Variants in GALC observed in about 807,000 individuals in gnomAD.
The protein encoded by GALC is galactosylceramidase, also known as galactocerebrosidase.
Under a neutral mutation model 91.8 loss-of-function variants are expected in GALC, and 77 were observed. That is an observed-to-expected ratio of 0.84 (90% CI 0.70 to 1.01). The LOEUF (loss-of-function observed/expected upper bound fraction) is 1.01. GALC is among the 50% of genes least tolerant of loss of function. The pLI, the probability that GALC is intolerant of heterozygous loss-of-function variation, is 0.00. For missense variants in GALC, 882 were observed against 855.9 expected (o/e 1.03, Z -0.38); for synonymous variants, 357 against 306.7 (o/e 1.16, Z -1.71).
intron 8 of GALC, among the ~76,000 whole-genome samples, chr14:87,967,179 T>A (rs1248321392): frequency 1.3e-5 from 2 of 152,196 alleles, no homozygotes; most frequent in Admixed American, 6.5e-5. Context: ...CCTAATGTCG[T>A]CTCAAGTGAA....
intron 10 of GALC, among the ~76,000 whole-genome samples, chr14:87,956,001 C>T (rs1885524456): frequency 6.6e-6 from 1 of 151,340 alleles, no homozygotes; most frequent in Admixed American, 6.6e-5. Context: ...AAAAAAAAAT[C>T]TCCTGTGGTC....
intron 6 of GALC, 73 bp from the exon 7 acceptor site, chr14:87,976,561 A>AACTTTATCTATCTTG: frequency 8.3e-7 from 1 of 1,197,970 alleles, no homozygotes; most frequent in Non-Finnish European, 1.2e-6. Context: ...TGACCAAGAT[A>AACTTTATCTATCTTG]GATAAAGTTA....
chr14:87,955,215 G>A lies in GALC; in HGVS notation c.1162-4467C>T, dbSNP rs1263012665. ...ATGCCCTTTTCTGAGGCCAGAGGAA[G>A]AAATGGCAGGCATTTCAAGGAAGAA... On this transcript the variant is annotated intron_variant, in intron 10 of 16. Coordinates refer to ENST00000261304, the MANE Select transcript of GALC (RefSeq NM_000153.4). The A allele has an allele frequency of 4.7e-6, 5 of 1,069,236 alleles. No homozygotes were observed. In the South Asian group the frequency reaches 6.2e-5, roughly 13 times the overall value. The allele number at this position is 1,069,236 out of a possible 1,614,324, so 66.2% of individuals were successfully genotyped here. A position where few individuals can be genotyped will look rare whatever the true frequency, so the allele number is the denominator to read the frequency against.
chr14:87,990,751 T>C (rs1252849555), intron 1 of GALC, among the ~76,000 whole-genome samples: 6 of 152,150 alleles, frequency 3.9e-5, no homozygotes, highest in South Asian at 4.1e-4. Context: ...TGCAAACCTA[T>C]AGCCACACCT....
intron 9 of GALC, among the ~76,000 whole-genome samples, chr14:87,965,218 T>C (rs1885984217): frequency 6.6e-6 from 1 of 152,164 alleles, no homozygotes; most frequent in Non-Finnish European, 1.5e-5. Context: ...TTTGTAATTA[T>C]ATCCTTAGAT....
intron 6 of GALC, among the ~76,000 whole-genome samples, chr14:87,977,867 T>A (rs1886568690): frequency 6.6e-6 from 1 of 151,964 alleles, no homozygotes; most frequent in Non-Finnish European, 1.5e-5. Flanking sequence ...GAAAACGGGG[T>A]GAAAATTAGA....
intron 10 of GALC, among the ~76,000 whole-genome samples, chr14:87,951,381 A>G (rs181953229): frequency 6.6e-6 from 1 of 152,046 alleles, no homozygotes; most frequent in East Asian, 1.9e-4. Context: ...GCAGACCATT[A>G]AAAAATTACT....
chr14:87,950,044 C>G, intron 11 of GALC, 113 bp from the exon 12 acceptor site: 1 of 625,110 alleles, frequency 1.6e-6, no homozygotes, highest in Non-Finnish European at 2.9e-6. Context: ...CTCTATTTAT[C>G]AAGAGAAACA....
intron 3 of GALC, 129 bp downstream of exon 3, chr14:87,988,015 A>G: frequency 1.4e-6 from 1 of 716,570 alleles, no homozygotes; most frequent in Middle Eastern, 2.5e-4. Context: ...AATGAGGAAA[A>G]CTCTAATAAG....
intron 7 of GALC, among the ~76,000 whole-genome samples, chr14:87,971,494 G>C (rs1365826355): frequency 6.6e-6 from 1 of 152,038 alleles, no homozygotes; most frequent in African/African-American, 2.4e-5. Context: ...AAGTTGTCTA[G>C]CAGCCACATT....
chr14:87,970,744 C>CT (rs1886258252), intron 7 of GALC, among the ~76,000 whole-genome samples: 1 of 150,926 alleles, frequency 6.6e-6, no homozygotes, highest in Non-Finnish European at 1.5e-5. Flanking sequence ...AGGTGTGTGC[C>CT]TGTAGTCCCA....
At chr14:87,954,582 C>T in intron 10 of GALC, 1 of 1,576,052 alleles carries the variant, frequency 6.3e-7, no homozygotes, top group Non-Finnish European at 8.7e-7. Context: ...ACATTTAAAG[C>T]AAAATTTCAA....
chr14:87,962,766 T>C (rs1442254683), intron 10 of GALC, among the ~76,000 whole-genome samples: 1 of 152,126 alleles, frequency 6.6e-6, no homozygotes, highest in Non-Finnish European at 1.5e-5. Flanking sequence ...TGGAACTTCA[T>C]TGACCTCTTT....
rs553898724 is a variant in GALC, at chr14:87,938,280, G to A, written c.1911+1625C>T. ...GAACAATTAACAGAATATGTGTGAT[G>A]TCAGCTTGGGATAAAACTTTTGGAG... On this transcript the variant is annotated intron_variant, in intron 16 of 16. Coordinates refer to ENST00000261304, the MANE Select transcript of GALC (RefSeq NM_000153.4). Among the ~76,000 whole-genome samples, 14 of 152,086 alleles carry A rather than the reference G, an allele frequency of 9.2e-5. 1 individual carries two copies. In the South Asian group the frequency reaches 1.9e-3, roughly 20 times the overall value.
At chr14:87,942,877 A>G (rs1469410468) in intron 14 of GALC, among the ~76,000 whole-genome samples, 1 of 152,030 alleles carries the variant, frequency 6.6e-6, no homozygotes, top group East Asian at 1.9e-4. Flanking sequence ...CTCTGACATC[A>G]GAGGGAGTTT....
intron 9 of GALC, among the ~76,000 whole-genome samples, 188 bp from the exon 10 acceptor site, chr14:87,963,699 A>C (rs1885907621): frequency 6.6e-6 from 1 of 152,154 alleles, no homozygotes. Context: ...AAATGGTACA[A>C]TTGCAAGAAG....
Position 87,934,688 on chromosome 14 carries a change from G to C in GALC, c.*44C>G, listed in dbSNP as rs776726976. ...ATTGGCTCTGAACCAAAACCAAAAA[G>C]AAGGGAAGAAAATCCAGAGTATTCT... is the stretch of plus-strand genomic sequence containing the variant. On this transcript the variant is annotated 3_prime_UTR_variant, in exon 17 of 17. Transcript: ENST00000261304. The C allele has an allele frequency of 2.5e-6, 4 of 1,612,026 alleles. No homozygotes were observed. Among genetic ancestry groups the C allele is most frequent in the East Asian group, 2.2e-5 (1 of 44,812 alleles).
At chr14:87,984,961 C>T (rs78185844) in intron 4 of GALC, among the ~76,000 whole-genome samples, 17,212 of 152,224 alleles carry the variant, frequency 0.11, 1,143 homozygotes, top group Non-Finnish European at 0.16. Context: ...ATGTATAACA[C>T]AAATTTATCA....
In GALC at chr14:87,965,543, C is replaced by T; in HGVS notation, c.995G>A (p.Ser332Asn). Residue 332 changes from serine (S) to asparagine (N), a missense_variant, in exon 9 of 17, where the codon AGT becomes AAT. Ser to Asn is a conservative substitution (Grantham distance 46, BLOSUM62 1). Coordinates refer to ENST00000261304, the MANE Select transcript of GALC (RefSeq NM_000153.4). ...AGGAGATTCTACCACGTAGTGCCCA[C>T]TCCATGGCTCCTGGGCCGTCATCAA... ...CGLMTAQEPWSGHYVVESPVW... is the reference protein window; with the variant it reads ...CGLMTAQEPWNGHYVVESPVW... The T allele has an allele frequency of 1.2e-6, 2 of 1,613,394 alleles. No homozygotes were observed. Among genetic ancestry groups the T allele is most frequent in the South Asian group, 1.1e-5 (1 of 91,078 alleles).
Sources: gnomAD v4.1 joint callset for allele counts (sites outside exome capture counted in the v4.1 genomes callset) on GRCh38, gnomAD v4.1.1 for gene constraint, MANE v1.5 for transcripts, NCBI Gene and HGNC (gene_info 2026-07-23, HGNC 2026-07-21) for gene names.